The following SUPT3H variants were observed in gnomAD, a reference collection of about 807,000 sequenced individuals.
SUPT3H encodes the protein transcription initiation protein SPT3 homolog.
SUPT3H carries 44 observed loss-of-function variants against 44.3 expected under a neutral mutation model. That is an observed-to-expected ratio of 0.99 (90% CI 0.78 to 1.28). SUPT3H has a LOEUF of 1.28. Among genes scored for constraint, SUPT3H ranks in the 50% most tolerant of loss-of-function variants. The pLI is 0.00. For synonymous variants in SUPT3H, 124 were observed against 125.6 expected, an observed-to-expected ratio of 0.99 and a Z score of 0.09; for missense variants, 380 against 387.1, an observed-to-expected ratio of 0.98 and a Z score of 0.15.
chr6:45,233,134 A>G (rs1188829482), intron 2 of SUPT3H, among the ~76,000 whole-genome samples: 1 of 152,126 alleles, frequency 6.6e-6, no homozygotes, highest in Non-Finnish European at 1.5e-5. Context: ...TTTGTACAAG[A>G]GGCTGTCTTT....
intron 3 of SUPT3H, among the ~76,000 whole-genome samples, chr6:45,071,797 C>T (rs974111247): frequency 2.6e-5 from 4 of 152,176 alleles, no homozygotes; most frequent in Non-Finnish European, 4.4e-5. Context: ...TGTTTCAGCT[C>T]ATTCAGACAT....
intron 2 of SUPT3H, among the ~76,000 whole-genome samples, chr6:45,217,440 A>G (rs1765251804): frequency 6.6e-6 from 1 of 151,086 alleles, no homozygotes; most frequent in Non-Finnish European, 1.5e-5. Context: ...ACGCAACTGC[A>G]CTCCAGCCTG....
chr6:45,214,881 C>A (rs570391954), intron 2 of SUPT3H, among the ~76,000 whole-genome samples: 4 of 152,242 alleles, frequency 2.6e-5, no homozygotes, highest in Non-Finnish European at 4.4e-5. Flanking sequence ...AACCCCCTCA[C>A]GACCGAGAGT....
At chr6:44,989,539 T>G (rs1010461716) in intron 6 of SUPT3H, among the ~76,000 whole-genome samples, 1 of 152,142 alleles carries the variant, frequency 6.6e-6, no homozygotes, top group African/African-American at 2.4e-5. Context: ...CATTGCTGGA[T>G]CATCTGATAG....
chr6:45,189,815 C>T (rs1355837160), intron 2 of SUPT3H, among the ~76,000 whole-genome samples: 1 of 152,150 alleles, frequency 6.6e-6, no homozygotes, highest in Non-Finnish European at 1.5e-5. Context: ...CATTAATAAC[C>T]CCACGTTCCT....
intron 10 of SUPT3H, among the ~76,000 whole-genome samples, chr6:44,917,241 C>G (rs1767961767): frequency 6.6e-6 from 1 of 152,092 alleles, no homozygotes; most frequent in African/African-American, 2.4e-5. Context: ...GAAAAACCAT[C>G]AAAGACAGTA....
intron 2 of SUPT3H, among the ~76,000 whole-genome samples, chr6:45,287,839 C>A: frequency 6.6e-6 from 1 of 152,222 alleles, no homozygotes; most frequent in South Asian, 2.1e-4. Context: ...CTGCAACTTC[C>A]GAACTGTAAC....
At chr6:44,885,582 A>C (rs946631897) in intron 10 of SUPT3H, among the ~76,000 whole-genome samples, 46 of 152,336 alleles carry the variant, frequency 3.0e-4, no homozygotes, top group African/African-American at 9.6e-4. Flanking sequence ...AAACTAACAA[A>C]CAGAAAGGAC....
intron 2 of SUPT3H, among the ~76,000 whole-genome samples, chr6:45,216,818 T>C (rs1375648485): frequency 6.6e-6 from 1 of 152,156 alleles, no homozygotes; most frequent in Non-Finnish European, 1.5e-5. Context: ...TTATTATACC[T>C]AACGAGAGAA....
At chr6:45,019,890 C>G (rs1036681028) in intron 4 of SUPT3H, among the ~76,000 whole-genome samples, 9 of 151,778 alleles carry the variant, frequency 5.9e-5, no homozygotes, top group Non-Finnish European at 1.0e-4. Flanking sequence ...TTCATATCAT[C>G]TAAGAGTTGA....
chr6:44,899,355 A>C (rs1253315439), intron 10 of SUPT3H: 2 of 152,180 alleles, frequency 1.3e-5, no homozygotes, highest in Non-Finnish European at 2.9e-5. Flanking sequence ...ATGAGGGTTG[A>C]CTAAACTTGC....
At chr6:45,230,081 T>C (rs988461518) in intron 2 of SUPT3H, among the ~76,000 whole-genome samples, 2 of 152,206 alleles carry the variant, frequency 1.3e-5, no homozygotes, top group African/African-American at 4.8e-5. Context: ...TAACATGTGG[T>C]ATTTGTCTTT....
At chr6:44,839,632 A>G (rs1770559914) in intron 10 of SUPT3H, among the ~76,000 whole-genome samples, 1 of 152,132 alleles carries the variant, frequency 6.6e-6, no homozygotes, top group African/African-American at 2.4e-5. Flanking sequence ...CTTATTAAAA[A>G]TATTTTATTA....
At position 45,083,714 on chromosome 6, in the gene SUPT3H, AC is replaced by A. The variant is rs1796126052; in HGVS notation, c.186+22207del. 2.0e-5 allele frequency among the ~76,000 whole-genome samples: 3 copies of A among 151,810 alleles called. No individual in the cohort carries two copies. In the South Asian group the frequency reaches 6.2e-4, roughly 31 times the overall value. ...ATAAGGGTACAGTAAAAAAAAAAAA[AC>A]CAAACACCATCGGTCTAGTATAAAA... On this transcript the variant is annotated intron_variant, in intron 3 of 10. Transcript: ENST00000371459.
chr6:45,044,035 G>A (rs1264048686), intron 3 of SUPT3H, among the ~76,000 whole-genome samples: 1 of 152,132 alleles, frequency 6.6e-6, no homozygotes, highest in Non-Finnish European at 1.5e-5. Flanking sequence ...AACAAAGTGG[G>A]CTGAATTATT....
At chr6:45,094,980 C>A (rs1474496484) in intron 3 of SUPT3H, among the ~76,000 whole-genome samples, 2 of 152,066 alleles carry the variant, frequency 1.3e-5, no homozygotes, top group Non-Finnish European at 2.9e-5. Context: ...TGTTTTTAGT[C>A]TGTTTATTCT....
chr6:45,370,903 G>C (rs1275105007), intron 1 of SUPT3H, among the ~76,000 whole-genome samples: 1 of 151,840 alleles, frequency 6.6e-6, no homozygotes, highest in East Asian at 1.9e-4. Flanking sequence ...TACTCTCACA[G>C]AAAAATTGAG....
chr6:45,071,172 A>C (rs190843965), intron 3 of SUPT3H, among the ~76,000 whole-genome samples: 1,802 of 152,252 alleles, frequency 0.012, 20 homozygotes, highest in Non-Finnish European at 0.018. Context: ...AAGAGTTTCA[A>C]GTTAATTGGG....
downstream of SUPT3H, among the ~76,000 whole-genome samples, chr6:44,823,212 G>T (rs184205902): frequency 6.4e-4 from 98 of 152,016 alleles, 1 homozygote; most frequent in Middle Eastern, 0.014. Context: ...TTGCCCTCAA[G>T]AAATTCTTAA....
Sources: gnomAD v4.1 joint callset for allele counts (sites outside exome capture counted in the v4.1 genomes callset) on GRCh38, gnomAD v4.1.1 for gene constraint, MANE v1.5 for transcripts, NCBI Gene and HGNC (gene_info 2026-07-23, HGNC 2026-07-21) for gene names.